KCNN2: variants seen among roughly 807,000 people sequenced by gnomAD.
KCNN2 encodes potassium calcium-activated channel subfamily N member 2, also known as small conductance calcium-activated potassium channel protein 2.
KCNN2 carries 24 observed loss-of-function variants against 55.5 expected under a neutral mutation model. The observed-to-expected ratio is 0.43, with a 90% CI of 0.31 to 0.61. The LOEUF (loss-of-function observed/expected upper bound fraction) is 0.61. Ranked by LOEUF, KCNN2 falls within the 20% of genes least tolerant of loss-of-function variation. KCNN2 has a pLI of 0.08. For synonymous variants in KCNN2, 431 were observed against 336.1 expected (o/e 1.28, Z -3.09); for missense variants, 754 against 853.6 (o/e 0.88, Z 1.45).
At chr5:114,090,641 T>C (rs79001936) in intron 1 of KCNN2, among the ~76,000 whole-genome samples, 2,084 of 151,952 alleles carry the variant, frequency 0.014, 40 homozygotes, top group African/African-American at 0.047. Flanking sequence ...TGAATATAGA[T>C]ATGCTATATT....
chr5:114,257,219 T>C (rs920998670), intron 2 of KCNN2, among the ~76,000 whole-genome samples: 1 of 152,174 alleles, frequency 6.6e-6, no homozygotes, highest in South Asian at 2.1e-4. Flanking sequence ...TTGAGCTATG[T>C]GTCTACTTTT....
intron 1 of KCNN2, among the ~76,000 whole-genome samples, chr5:114,137,295 A>T (rs997122059): frequency 1.3e-5 from 2 of 152,062 alleles, no homozygotes; most frequent in African/African-American, 4.8e-5. Flanking sequence ...TCCCATCCTT[A>T]AATATATGCA....
intron 1 of KCNN2, among the ~76,000 whole-genome samples, chr5:114,168,969 G>C (rs1336669784): frequency 2.6e-5 from 4 of 152,224 alleles, no homozygotes; most frequent in Admixed American, 1.3e-4. Flanking sequence ...CATGGGGACA[G>C]ATTCTGCCCT....
At chr5:114,355,678 G>T (rs1757282846) in intron 2 of KCNN2, among the ~76,000 whole-genome samples, 1 of 150,964 alleles carries the variant, frequency 6.6e-6, no homozygotes, top group Non-Finnish European at 1.5e-5. Flanking sequence ...GAACCAAACT[G>T]GATGCCTGCA....
chr5:114,151,051 A>C (rs1347898665), intron 1 of KCNN2, among the ~76,000 whole-genome samples: 1 of 152,020 alleles, frequency 6.6e-6, no homozygotes, highest in African/African-American at 2.4e-5. Context: ...CAACAAAAAA[A>C]CAAATAAAGC....
chr5:114,075,095 G>A (rs1345196336), intron 1 of KCNN2, among the ~76,000 whole-genome samples: 1 of 152,184 alleles, frequency 6.6e-6, no homozygotes, highest in Non-Finnish European at 1.5e-5. Flanking sequence ...TGTGTATTAT[G>A]TGAATGATTG....
intron 2 of KCNN2, among the ~76,000 whole-genome samples, chr5:114,379,245 C>A (rs762938114): frequency 2.6e-5 from 4 of 151,918 alleles, no homozygotes; most frequent in Non-Finnish European, 4.4e-5. Flanking sequence ...CTGCCCATCT[C>A]CCCACACACT....
chr5:114,427,081 G>A (rs1759649086), intron 3 of KCNN2, among the ~76,000 whole-genome samples: 1 of 152,012 alleles, frequency 6.6e-6, no homozygotes, highest in Non-Finnish European at 1.5e-5. Flanking sequence ...ACCTGCACCT[G>A]GAGTCATCTC....
chr5:114,364,126 G>A (rs181558689), intron 2 of KCNN2, 125 bp downstream of exon 2: 131 of 690,312 alleles, frequency 1.9e-4, no homozygotes, highest in Non-Finnish European at 3.2e-4. Flanking sequence ...GACACATGCT[G>A]TATTGTTACC....
intron 3 of KCNN2, among the ~76,000 whole-genome samples, chr5:114,412,853 A>G (rs1052201644): frequency 6.6e-6 from 1 of 152,156 alleles, no homozygotes; most frequent in Admixed American, 6.5e-5. Context: ...AAACATATCC[A>G]CCTTGATTTA....
intron 2 of KCNN2, among the ~76,000 whole-genome samples, chr5:114,322,968 C>A (rs368909429): frequency 1.3e-5 from 2 of 152,152 alleles, no homozygotes; most frequent in Admixed American, 6.5e-5. Context: ...CCACTCTCCC[C>A]GTCAAGTAGA....
intron 1 of KCNN2, among the ~76,000 whole-genome samples, chr5:114,209,127 G>T (rs1453613620): frequency 6.6e-6 from 1 of 151,642 alleles, no homozygotes; most frequent in East Asian, 1.9e-4. Flanking sequence ...CACAATCCTG[G>T]CTCACTGCAG....
chr5:114,341,541 T>C (rs1009919599), intron 2 of KCNN2, among the ~76,000 whole-genome samples: 1 of 152,150 alleles, frequency 6.6e-6, no homozygotes, highest in African/African-American at 2.4e-5. Context: ...TTTGATGTCA[T>C]TATAATTTAT....
intron 1 of KCNN2, among the ~76,000 whole-genome samples, chr5:114,166,015 C>A (rs1752902785): frequency 6.6e-6 from 1 of 151,946 alleles, no homozygotes; most frequent in Non-Finnish European, 1.5e-5. Context: ...ATCTATAAAT[C>A]CTCATTTTAA....
At chr5:114,091,485 G>A (rs971287763) in intron 1 of KCNN2, among the ~76,000 whole-genome samples, 1 of 152,144 alleles carries the variant, frequency 6.6e-6, no homozygotes, top group African/African-American at 2.4e-5. Context: ...GTGGGCTGAA[G>A]TCTTAGATCC....
intron 4 of KCNN2, among the ~76,000 whole-genome samples, chr5:114,468,087 G>T (rs1005607134): frequency 3.3e-5 from 5 of 152,118 alleles, no homozygotes; most frequent in African/African-American, 1.2e-4. Flanking sequence ...TTACAATGAG[G>T]ACATTTGAAA....
chr5:114,059,821 CCAGAA>C, intron 1 of KCNN2, among the ~76,000 whole-genome samples: 1 of 151,936 alleles, frequency 6.6e-6, no homozygotes, highest in African/African-American at 2.4e-5. Flanking sequence ...GAGTGTTGAG[CCAGAA>C]ACAGGGTCAC....
chr5:114,238,380 C>T (rs1055615903), intron 2 of KCNN2, among the ~76,000 whole-genome samples: 1 of 152,046 alleles, frequency 6.6e-6, no homozygotes, highest in Non-Finnish European at 1.5e-5. Context: ...AATCCTAGCA[C>T]TTTGGGAGGC....
At chr5:114,303,810 G>C (rs1179294989) in intron 2 of KCNN2, among the ~76,000 whole-genome samples, 1 of 152,120 alleles carries the variant, frequency 6.6e-6, no homozygotes. Context: ...GAATGAGATT[G>C]TAATGAAAGC....
Sources: gnomAD v4.1 joint callset for allele counts (sites outside exome capture counted in the v4.1 genomes callset) on GRCh38, gnomAD v4.1.1 for gene constraint, MANE v1.5 for transcripts, NCBI Gene and HGNC (gene_info 2026-07-23, HGNC 2026-07-21) for gene names.